Variants in CTBP2 observed in about 807,000 individuals in gnomAD.
The protein encoded by CTBP2 is C-terminal binding protein 2, also known as C-terminal-binding protein 2.
Under a neutral mutation model 80.3 loss-of-function variants are expected in CTBP2, and 30 were observed. The observed-to-expected ratio is 0.37, with a 90% CI of 0.28 to 0.51. CTBP2 has a LOEUF of 0.51. Among genes scored for constraint, CTBP2 ranks in the 20% least tolerant of loss-of-function variants. The pLI is 0.93. For missense variants in CTBP2, 1,212 were observed against 1,375.3 expected (o/e 0.88, Z 1.88); for synonymous variants, 594 against 587.4 (o/e 1.01, Z -0.16).
In CTBP2 at chr10:124,998,024, G is replaced by C. The variant is rs78860838; in HGVS notation, c.2125C>G (p.Arg709Gly). The change falls in exon 4 of 9, where the codon CGC becomes GGC. Residue 709 changes from arginine (R) to glycine (G), a missense_variant. This residue lies in a region of CTBP2 where 335 missense variants were observed against 504.7 expected (regional missense o/e 0.66). Transcript: ENST00000309035. Reference sequence around the variant, plus strand: ...CGGGCCGCTCCCGAGGCCACCTCGCGGATCTGCTCCACGCTCTGAACCCGC... The same window carrying C: ...CGGGCCGCTCCCGAGGCCACCTCGCCGATCTGCTCCACGCTCTGAACCCGC... 2 of 1,613,310 alleles carry C rather than the reference G, an allele frequency of 1.2e-6. No individual in the cohort carries two copies. The highest frequency in any genetic ancestry group is 2.2e-5 in the East Asian group (1 of 44,870).
intron 1 of CTBP2, among the ~76,000 whole-genome samples, chr10:125,025,889 T>A (rs1028114871): frequency 2.0e-5 from 3 of 152,250 alleles, no homozygotes; most frequent in African/African-American, 7.2e-5. Context: ...AGATCTGGCC[T>A]GACACACAAA....
At chr10:125,007,951 T>G (rs1955445674) in intron 1 of CTBP2, among the ~76,000 whole-genome samples, 1 of 144,220 alleles carries the variant, frequency 6.9e-6, no homozygotes, top group South Asian at 2.2e-4. Flanking sequence ...TGGCTCTGGC[T>G]TTTTTTTTTT....
At chr10:125,147,744 G>C (rs1225688283) in intron 1 of CTBP2, among the ~76,000 whole-genome samples, 1 of 152,046 alleles carries the variant, frequency 6.6e-6, no homozygotes, top group African/African-American at 2.4e-5. Context: ...AAAAAATACA[G>C]AAACTAGCCA....
In CTBP2 at chr10:125,027,074, G is replaced by A. The variant is rs780923537; in HGVS notation, c.686C>T (p.Pro229Leu). 3.1e-6 allele frequency: 5 copies of A among 1,612,300 alleles called. No individual in the cohort carries two copies. Among genetic ancestry groups the A allele is most frequent in the Non-Finnish European group, 3.4e-6 (4 of 1,178,904 alleles). ...ACTGGGGTCCACAACCAGGCACGTC[G>A]GGGCCACCTGTCTGGCAGGGGCAGG... is the stretch of plus-strand genomic sequence containing the variant. Residue 229 changes from proline (P) to leucine (L), a missense_variant, in exon 1 of 9, where the codon CCG becomes CTG. By Grantham distance (98) the Pro-to-Leu change is moderately conservative. Coordinates refer to ENST00000309035, the MANE Select transcript of CTBP2 (RefSeq NM_022802.3).
chr10:125,047,750 GATA>G (rs1467972461), intron 2 of CTBP2, among the ~76,000 whole-genome samples: 1 of 152,170 alleles, frequency 6.6e-6, no homozygotes, highest in Non-Finnish European at 1.5e-5. Flanking sequence ...TTATTAATGA[GATA>G]ATGTTAAACA....
intron 1 of CTBP2, among the ~76,000 whole-genome samples, chr10:125,141,091 T>C (rs1040704883): frequency 1.7e-4 from 26 of 148,774 alleles, no homozygotes; most frequent in African/African-American, 6.5e-4. Context: ...TGCAGTGAGC[T>C]GAGATCACAC....
chr10:125,047,353 A>T (rs1390557269), intron 2 of CTBP2, among the ~76,000 whole-genome samples: 1 of 152,234 alleles, frequency 6.6e-6, no homozygotes, highest in Non-Finnish European at 1.5e-5. Context: ...AAAATTAGTG[A>T]TCTCAAATTT....
In CTBP2 at chr10:125,140,479, C is replaced by A. The variant is rs118051833; in HGVS notation, c.-206+19840G>T. 9.9e-3 allele frequency among the ~76,000 whole-genome samples: 1,509 copies of A among 152,252 alleles called. 6 individuals carry two copies. Among genetic ancestry groups the A allele is most frequent in the Admixed American group, 0.016 (251 of 15,290 alleles). On this transcript the variant is annotated intron_variant, in intron 1 of 10. Transcript: ENST00000337195. The stretch of plus-strand genomic sequence containing the variant: ...AGCAAATGCAGTGATCCCCACTTAA[C>A]AATTTTATAAATTCCAAGACTCATT...
intron 1 of CTBP2, among the ~76,000 whole-genome samples, chr10:125,138,811 A>C (rs1363021992): frequency 6.6e-6 from 1 of 152,190 alleles, no homozygotes; most frequent in African/African-American, 2.4e-5. Flanking sequence ...TGGGTGCAAG[A>C]TGACGAACTT....
chr10:125,072,543 G>T (rs919042202), intron 2 of CTBP2, among the ~76,000 whole-genome samples: 11 of 149,266 alleles, frequency 7.4e-5, no homozygotes, highest in African/African-American at 2.7e-4. Context: ...TCTAACCTGG[G>T]AAGCGGAGGC....
At chr10:125,061,700 A>T (rs1396054326) in intron 2 of CTBP2, among the ~76,000 whole-genome samples, 1 of 152,188 alleles carries the variant, frequency 6.6e-6, no homozygotes, top group Non-Finnish European at 1.5e-5. Flanking sequence ...GCCCCCGTGC[A>T]GCATCCTGGA....
At chr10:125,071,351 A>G (rs1223121000) in intron 2 of CTBP2, among the ~76,000 whole-genome samples, 1 of 152,244 alleles carries the variant, frequency 6.6e-6, no homozygotes, top group Admixed American at 6.5e-5. Context: ...ACCAGGAAAT[A>G]TTAATAAAAT....
At chr10:125,055,086 C>T (rs900401889) in intron 2 of CTBP2, among the ~76,000 whole-genome samples, 7 of 152,166 alleles carry the variant, frequency 4.6e-5, no homozygotes, top group Non-Finnish European at 1.0e-4. Flanking sequence ...GCCTGGGCCC[C>T]ACATTAAGAA....
At chr10:125,092,990 C>A (rs866461512) in intron 2 of CTBP2, among the ~76,000 whole-genome samples, 1 of 152,144 alleles carries the variant, frequency 6.6e-6, no homozygotes, top group Non-Finnish European at 1.5e-5. Context: ...CAGCCCCAAC[C>A]GTTACGTGGT....
chr10:125,063,240 C>G (rs1844094374), intron 2 of CTBP2, among the ~76,000 whole-genome samples: 1 of 151,394 alleles, frequency 6.6e-6, no homozygotes, highest in South Asian at 2.1e-4. Context: ...ACTCTGCGCA[C>G]ATCTTCATCT....
chr10:125,013,714 C>T (rs1295524206), intron 1 of CTBP2, among the ~76,000 whole-genome samples: 1 of 152,190 alleles, frequency 6.6e-6, no homozygotes, highest in East Asian at 1.9e-4. Flanking sequence ...CGGGGTCACA[C>T]AGCAAGTAAG....
chr10:125,001,104 C>G (rs1407881236), intron 3 of CTBP2: 1 of 152,288 alleles, frequency 6.6e-6, no homozygotes, highest in South Asian at 2.1e-4. Flanking sequence ...TCCCAGGCCC[C>G]CTGTCATTGA....
At chr10:125,069,995 G>C (rs1005698187) in intron 2 of CTBP2, among the ~76,000 whole-genome samples, 1 of 149,228 alleles carries the variant, frequency 6.7e-6, no homozygotes, top group Non-Finnish European at 1.5e-5. Flanking sequence ...GGGAGGCCTA[G>C]CTGGGCCAAT....
rs141421178 is a variant in CTBP2, at chr10:125,138,677, A to C, written c.-206+21642T>G. On this transcript the variant is annotated intron_variant, in intron 1 of 10. Coordinates refer to the CTBP2 transcript ENST00000337195. ...CCAAGCCAAATGGTTAAAAAAAAAA[A>C]AAAAAACAGACCAGCAAACCACTAC... Among the ~76,000 whole-genome samples the C allele has an allele frequency of 5.5e-3, 838 of 152,184 alleles. 9 individuals are homozygous for C. Among genetic ancestry groups the C allele is most frequent in the Non-Finnish European group, 9.4e-3 (639 of 67,988 alleles).
Sources: gnomAD v4.1 joint callset for allele counts (sites outside exome capture counted in the v4.1 genomes callset) on GRCh38, gnomAD v4.1.1 for gene constraint, gnomAD v4.1.1 regional missense constraint, MANE v1.5 for transcripts, NCBI Gene and HGNC (gene_info 2026-07-23, HGNC 2026-07-21) for gene names.